The following ADGRL4 variants were observed in gnomAD, a reference collection of about 807,000 sequenced individuals.
ADGRL4 encodes adhesion G protein-coupled receptor L4.
In ADGRL4, 90 loss-of-function variants were observed where a neutral mutation model predicts 74.8. The ratio of observed to expected loss-of-function variants is 1.20; its 90% CI spans 1.02 to 1.43. The LOEUF (loss-of-function observed/expected upper bound fraction) is 1.43. ADGRL4 is among the 40% of genes most tolerant of loss of function. ADGRL4 has a pLI of 0.00. For missense variants in ADGRL4, 881 were observed against 814.3 expected, an observed-to-expected ratio of 1.08 and a Z score of -1.00; for synonymous variants, 311 against 279.2, an observed-to-expected ratio of 1.11 and a Z score of -1.14.
chr1:78,894,738 A>G (rs1419532872), intron 12 of ADGRL4, among the ~76,000 whole-genome samples: 2 of 151,914 alleles, frequency 1.3e-5, no homozygotes, highest in African/African-American at 2.4e-5. Context: ...GGTTTGAAAA[A>G]CTTTAAATAA....
rs975779690 is a variant in ADGRL4, at chr1:78,959,166, C to G, written c.173-12740G>C. On this transcript the variant is annotated intron_variant, in intron 2 of 14. Transcript: ENST00000370742. The stretch of plus-strand genomic sequence containing the variant: ...TTGTGTGACTTACTTTATTGTGATA[C>G]TCGCTTTATGGCACTAGTCAGAACC... Among the ~76,000 whole-genome samples the G allele has an allele frequency of 2.0e-5, 3 of 152,266 alleles. No homozygotes were observed. In the East Asian group the frequency reaches 5.8e-4, roughly 29 times the overall value.
intron 8 of ADGRL4, among the ~76,000 whole-genome samples, chr1:78,922,909 A>T (rs1167470354): frequency 1.3e-5 from 2 of 152,026 alleles, no homozygotes; most frequent in Admixed American, 1.3e-4. Flanking sequence ...ATAAAGTATC[A>T]GCTCTTCAAG....
rs759263969 is a variant in ADGRL4 at position 79,006,658 on chromosome 1, CG to C, written c.-5del. On this transcript the variant is annotated 5_prime_UTR_variant, in exon 1 of 15. Transcript: ENST00000370742. ...CTAGGAGCGGGAGGCGTTTCATTGG[CG>C]GTGGCCGCAGTGGTGGCGGTGGCGG... 6.7e-7 allele frequency: 1 copy of C among 1,502,748 alleles called. No individual in the cohort carries two copies. Among genetic ancestry groups the C allele is most frequent in the East Asian group, 2.7e-5 (1 of 36,968 alleles). 93.1% of individuals were successfully genotyped at this position (1,502,748 alleles called of 1,614,324 possible). A position where few individuals can be genotyped will look rare whatever the true frequency, so the allele number is the denominator to read the frequency against.
At chr1:78,999,795 T>TCTAC (rs1289159978) in intron 2 of ADGRL4, among the ~76,000 whole-genome samples, 1 of 126,324 alleles carries the variant, frequency 7.9e-6, no homozygotes, top group East Asian at 2.4e-4. Flanking sequence ...GTTATATCTA[T>TCTAC]CTATCTATCT....
chr1:78,971,056 G>A (rs1179616502), intron 2 of ADGRL4, among the ~76,000 whole-genome samples: 2 of 152,174 alleles, frequency 1.3e-5, no homozygotes, highest in African/African-American at 4.8e-5. Flanking sequence ...AACCCCGTTT[G>A]TCTCTTCTTG....
intron 2 of ADGRL4, among the ~76,000 whole-genome samples, chr1:78,955,483 G>C (rs1263890803): frequency 6.6e-6 from 1 of 151,824 alleles, no homozygotes; most frequent in Non-Finnish European, 1.5e-5. Context: ...TTATGATCTT[G>C]TATCGCAATT....
At chr1:78,949,029 C>G (rs1166204070) in intron 2 of ADGRL4, among the ~76,000 whole-genome samples, 1 of 151,998 alleles carries the variant, frequency 6.6e-6, no homozygotes, top group Non-Finnish European at 1.5e-5. Context: ...TCATGGCATA[C>G]TGGGAGAAGT....
At chr1:78,963,703 T>A (rs1038585701) in intron 2 of ADGRL4, among the ~76,000 whole-genome samples, 1 of 152,174 alleles carries the variant, frequency 6.6e-6, no homozygotes, top group Non-Finnish European at 1.5e-5. Context: ...CAATTTTACA[T>A]GATTTCTTCA....
At chr1:78,904,859 T>G (rs1648602949) in intron 12 of ADGRL4, among the ~76,000 whole-genome samples, 1 of 152,042 alleles carries the variant, frequency 6.6e-6, no homozygotes, top group Admixed American at 6.6e-5. Flanking sequence ...CTCCAAAGAG[T>G]ACCTAATATT....
At chr1:78,992,547 G>C (rs1231559590) in intron 2 of ADGRL4, among the ~76,000 whole-genome samples, 2 of 151,978 alleles carry the variant, frequency 1.3e-5, no homozygotes, top group Non-Finnish European at 2.9e-5. Context: ...TAGTCCAACA[G>C]CCATGAAAAC....
Position 78,899,079 on chromosome 1 carries a change from C to T in ADGRL4, c.1750-5890G>A, listed in dbSNP as rs576596380. Among the ~76,000 whole-genome samples the T allele has an allele frequency of 1.2e-3, 180 of 151,996 alleles. 1 individual carries two copies. Among genetic ancestry groups the T allele is most frequent in the African/African-American group, 4.1e-3 (170 of 41,458 alleles). ...CCATCTATATGATGTTAGATCTCAT[C>T]GAAAAAAATGAAAAGATTTCTCTTA... On this transcript the variant is annotated intron_variant, in intron 12 of 14. Coordinates refer to ENST00000370742, the MANE Select transcript of ADGRL4 (RefSeq NM_022159.4).
intron 2 of ADGRL4, among the ~76,000 whole-genome samples, chr1:78,979,694 T>G (rs547746709): frequency 6.6e-6 from 1 of 152,034 alleles, no homozygotes; most frequent in African/African-American, 2.4e-5. Flanking sequence ...GTAGAATGTA[T>G]ACACCATGGA....
intron 2 of ADGRL4, among the ~76,000 whole-genome samples, chr1:78,990,639 C>T (rs1264012578): frequency 6.6e-6 from 1 of 151,850 alleles, no homozygotes; most frequent in Non-Finnish European, 1.5e-5. Flanking sequence ...TACAAATAAA[C>T]TGAAATTCAA....
intron 2 of ADGRL4, among the ~76,000 whole-genome samples, chr1:78,957,182 C>A (rs1240321572): frequency 2.0e-5 from 3 of 152,148 alleles, no homozygotes; most frequent in Non-Finnish European, 4.4e-5. Context: ...CATTGCTCAG[C>A]CCTCCCTATT....
intron 1 of ADGRL4, 26 bp downstream of exon 1, chr1:79,006,607 G>T (rs781169662): frequency 6.5e-7 from 1 of 1,533,580 alleles, no homozygotes; most frequent in South Asian, 1.2e-5. Context: ...CGACGACCTC[G>T]GCGACCAGGG....
chr1:78,954,971 A>G (rs948622814), intron 2 of ADGRL4, among the ~76,000 whole-genome samples: 2 of 152,136 alleles, frequency 1.3e-5, no homozygotes, highest in African/African-American at 4.8e-5. Flanking sequence ...AGTTTTTTCA[A>G]TGTAGTAATG....
At chr1:78,897,949 C>A (rs1388279792) in intron 12 of ADGRL4, among the ~76,000 whole-genome samples, 1 of 151,954 alleles carries the variant, frequency 6.6e-6, no homozygotes, top group Non-Finnish European at 1.5e-5. Context: ...AGTGTCAAAG[C>A]TTTAAATAAA....
chr1:78,903,795 GC>G (rs1199096706), intron 12 of ADGRL4, among the ~76,000 whole-genome samples: 1 of 151,872 alleles, frequency 6.6e-6, no homozygotes, highest in Non-Finnish European at 1.5e-5. Context: ...AATTTGCTGG[GC>G]CTGGAGGCAC....
intron 3 of ADGRL4, among the ~76,000 whole-genome samples, chr1:78,940,351 T>C (rs1381326193): frequency 2.0e-5 from 3 of 152,178 alleles, no homozygotes; most frequent in East Asian, 3.8e-4. Flanking sequence ...TATTTTACTA[T>C]GGTTCTTCAT....
Sources: gnomAD v4.1 joint callset for allele counts (sites outside exome capture counted in the v4.1 genomes callset) on GRCh38, gnomAD v4.1.1 for gene constraint, MANE v1.5 for transcripts, NCBI Gene and HGNC (gene_info 2026-07-23, HGNC 2026-07-21) for gene names.